Variants in IQUB observed in about 807,000 individuals in gnomAD.
IQUB encodes the protein IQ motif and ubiquitin domain containing, also known as IQ motif and ubiquitin-like domain-containing protein.
Under a neutral mutation model 86.4 loss-of-function variants are expected in IQUB, and 86 were observed. The observed-to-expected ratio is 1.00, with a 90% CI of 0.84 to 1.19. The LOEUF is 1.19. Among genes scored for constraint, IQUB ranks in the 50% most tolerant of loss-of-function variants. IQUB has a pLI of 0.00. For missense variants in IQUB, 946 were observed against 916.9 expected, an observed-to-expected ratio of 1.03 and a Z score of -0.41; for synonymous variants, 289 against 304.5, an observed-to-expected ratio of 0.95 and a Z score of 0.53.
In IQUB at chr7:123,452,564, T is replaced by TAACA. The variant is rs1793471313; in HGVS notation, c.*175_*178dup. On this transcript the variant is annotated 3_prime_UTR_variant, in exon 13 of 13. Transcript: ENST00000324698. ...GCATTTCAATTTAGCACCAACTTCCTAACAAAGAATACTTACTTATATAGA... is the reference window on the plus strand; with the variant it reads ...GCATTTCAATTTAGCACCAACTTCCTAACAAACAAAGAATACTTACTTATATAGA... 2.5e-6 allele frequency: 1 copy of TAACA among 395,636 alleles called. No individual in the cohort carries two copies. Among genetic ancestry groups the TAACA allele is most frequent in the Non-Finnish European group, 4.4e-6 (1 of 225,038 alleles). 24.5% of individuals were successfully genotyped at this position (395,636 alleles called of 1,614,324 possible). A position where few individuals can be genotyped will look rare whatever the true frequency, so the allele number is the denominator to read the frequency against.
chr7:123,467,099 T>C (rs1375132482), intron 9 of IQUB, among the ~76,000 whole-genome samples: 1 of 151,654 alleles, frequency 6.6e-6, no homozygotes, highest in Admixed American at 6.6e-5. Flanking sequence ...GCTTACATTA[T>C]GGTCAGGATA....
chr7:123,526,598 A>C (rs1032316081), intron 1 of IQUB, among the ~76,000 whole-genome samples: 11 of 151,288 alleles, frequency 7.3e-5, no homozygotes, highest in African/African-American at 2.4e-4. Context: ...GTGTCTCTGC[A>C]CGTGAGATGG....
intron 7 of IQUB, 144 bp from the exon 8 acceptor site, chr7:123,480,114 T>C: frequency 4.8e-6 from 3 of 623,412 alleles, no homozygotes; most frequent in Non-Finnish European, 8.0e-6. Flanking sequence ...ACCTGATGCA[T>C]GAAAAAAGTG....
chr7:123,503,164 T>G lies in IQUB; in HGVS notation c.694+38A>C, dbSNP rs1279318961. 5.6e-6 allele frequency: 9 copies of G among 1,607,042 alleles called. No individual in the cohort carries two copies. In the East Asian group the frequency reaches 1.8e-4, roughly 32 times the overall value. On this transcript the variant is annotated intron_variant, in intron 4 of 12. Transcript: ENST00000324698. ...AATGAAAGCTCAACCAAGAAGGGAC[T>G]CAAAAATACTTTATCTAAAAGACAT...
intron 8 of IQUB, among the ~76,000 whole-genome samples, chr7:123,471,929 C>A (rs1037790729): frequency 1.3e-5 from 2 of 151,992 alleles, no homozygotes; most frequent in African/African-American, 4.8e-5. Flanking sequence ...CCATTTCTCC[C>A]AAAAGAGTAT....
chr7:123,464,954 T>G lies in IQUB; in HGVS notation c.1637A>C (p.Asp546Ala). The stretch of plus-strand genomic sequence containing the variant: ...ATGTTTGACTCCTCTCATCATAAGG[T>G]CAACCTCTCTGTCAATCAATTCTAG... ...EILELIDREV[D>A]LMMRGVKHHN... The change falls in exon 10 of 13, where the codon GAC (aspartate) becomes GCC (alanine). Residue 546 changes from aspartate (D) to alanine (A), a missense_variant. Coordinates refer to ENST00000324698, the MANE Select transcript of IQUB (RefSeq NM_178827.5). 1 of 1,602,738 alleles carries G rather than the reference T, an allele frequency of 6.2e-7. No individual in the cohort carries two copies. The highest frequency in any genetic ancestry group is 8.5e-7 in the Non-Finnish European group (1 of 1,174,718).
intron 7 of IQUB, among the ~76,000 whole-genome samples, chr7:123,488,213 C>G (rs887915304): frequency 6.6e-6 from 1 of 151,780 alleles, no homozygotes; most frequent in Admixed American, 6.6e-5. Flanking sequence ...CGGTGGCCGG[C>G]GCCTGTAGTC....
chr7:123,462,742 A>ATCAG (rs1356783175), intron 10 of IQUB: 1 of 427,720 alleles, frequency 2.3e-6, no homozygotes, highest in Non-Finnish European at 4.7e-6. Flanking sequence ...TAGCAAATAT[A>ATCAG]TCAGTCAACC....
intron 7 of IQUB, among the ~76,000 whole-genome samples, chr7:123,485,840 A>G (rs754462560): frequency 2.6e-5 from 4 of 152,222 alleles, no homozygotes; most frequent in Non-Finnish European, 5.9e-5. Flanking sequence ...CAGTTAAGAC[A>G]GTGGTGTGTA....
chr7:123,481,809 G>A (rs956496496), intron 7 of IQUB, among the ~76,000 whole-genome samples: 1 of 151,998 alleles, frequency 6.6e-6, no homozygotes, highest in South Asian at 2.1e-4. Context: ...ACAACTATGA[G>A]TTTATGCAAA....
chr7:123,478,252 A>G (rs184174468), intron 8 of IQUB, among the ~76,000 whole-genome samples: 74 of 143,014 alleles, frequency 5.2e-4, no homozygotes, highest in African/African-American at 2.1e-3. Flanking sequence ...GCAGCCATAA[A>G]AAAGGATGAG....
intron 1 of IQUB, among the ~76,000 whole-genome samples, chr7:123,527,467 T>C (rs987024577): frequency 6.6e-6 from 1 of 152,212 alleles, no homozygotes; most frequent in Non-Finnish European, 1.5e-5. Flanking sequence ...TGGTCTTTGA[T>C]GATGGTGATG....
intron 7 of IQUB, among the ~76,000 whole-genome samples, chr7:123,482,361 A>G (rs1004786611): frequency 3.9e-5 from 6 of 152,080 alleles, no homozygotes; most frequent in African/African-American, 1.4e-4. Flanking sequence ...TCCGAACACC[A>G]AAAGCTGAAA....
intron 12 of IQUB, 100 bp from the exon 13 acceptor site, chr7:123,453,025 T>A: frequency 1.2e-6 from 1 of 814,156 alleles, no homozygotes; most frequent in Non-Finnish European, 1.9e-6. Context: ...AATTCTTTCA[T>A]CCCAGACTAC....
chr7:123,463,108 T>C (rs528449536), intron 10 of IQUB, among the ~76,000 whole-genome samples: 14 of 151,892 alleles, frequency 9.2e-5, no homozygotes, highest in African/African-American at 3.1e-4. Context: ...AAGTACAGGA[T>C]AATCCATAGA....
intron 1 of IQUB, among the ~76,000 whole-genome samples, chr7:123,514,928 C>CTT (rs1348096252): frequency 6.6e-6 from 1 of 152,120 alleles, no homozygotes; most frequent in Non-Finnish European, 1.5e-5. Flanking sequence ...TAACCTTAGA[C>CTT]TTTGTTACTT....
At chr7:123,510,212 AAGG>A (rs1251105897) in intron 2 of IQUB, among the ~76,000 whole-genome samples, 177 bp from the exon 3 acceptor site, 1 of 152,154 alleles carries the variant, frequency 6.6e-6, no homozygotes, top group African/African-American at 2.4e-5. Context: ...AATTTTCTAT[AAGG>A]AGAAGTAGCC....
intron 8 of IQUB, among the ~76,000 whole-genome samples, chr7:123,473,453 T>C (rs1407297887): frequency 6.6e-6 from 1 of 152,244 alleles, no homozygotes. Context: ...AAATGGTCTC[T>C]ACAGAGTTTG....
intron 3 of IQUB, among the ~76,000 whole-genome samples, chr7:123,508,368 C>T (rs1226579693): frequency 4.6e-5 from 7 of 152,152 alleles, no homozygotes; most frequent in Non-Finnish European, 1.0e-4. Context: ...CTGCTTTAAG[C>T]CACTAAGTTT....
Sources: gnomAD v4.1 joint callset for allele counts (sites outside exome capture counted in the v4.1 genomes callset) on GRCh38, gnomAD v4.1.1 for gene constraint, MANE v1.5 for transcripts, NCBI Gene and HGNC (gene_info 2026-07-23, HGNC 2026-07-21) for gene names.